EYS: variants seen among roughly 807,000 people sequenced by gnomAD.
The protein encoded by EYS is protein eyes shut homolog.
Under a neutral mutation model 282.1 loss-of-function variants are expected in EYS, and 250 were observed. The ratio of observed to expected loss-of-function variants is 0.89; its 90% CI spans 0.80 to 0.98. The LOEUF (loss-of-function observed/expected upper bound fraction) is 0.98. EYS is among the 50% of genes least tolerant of loss of function. EYS has a pLI of 0.00. For missense variants in EYS, 4,016 were observed against 3,709.0 expected, an observed-to-expected ratio of 1.08 and a Z score of -2.15; for synonymous variants, 1,355 against 1,282.9, an observed-to-expected ratio of 1.06 and a Z score of -1.20.
rs542194621 is a variant in EYS at position 63,873,290 on chromosome 6, A to T, written c.7056-8932T>A. On this transcript the variant is annotated intron_variant, in intron 35 of 42. Transcript: ENST00000503581. ...TTCTTGTGATAGTTTGCTGAGAATG[A>T]TGATTTCCAGCTTCATCCATGTCCC... 7.2e-5 allele frequency among the ~76,000 whole-genome samples: 11 copies of T among 152,192 alleles called. No homozygotes were observed. The East Asian group carries it at 1.9e-3, about 27-fold the overall frequency.
At chr6:63,747,868 A>G (rs900611240) in intron 41 of EYS, among the ~76,000 whole-genome samples, 4 of 151,768 alleles carry the variant, frequency 2.6e-5, no homozygotes, top group Non-Finnish European at 4.4e-5. Context: ...TGTCTCCTGA[A>G]TACAGCACAC....
chr6:63,720,994 G>T lies in EYS; in HGVS notation c.9037C>A (p.Leu3013Ile). ...NEENDFLAIG[L>I]HNQTLKIAVN... ...GCTATTTTCAAGGTCTGATTATGGA[G>T]ACCAATTGCCAGAAAATCATTTTCT... Residue 3013 changes from leucine (L) to isoleucine (I), a missense_variant, in exon 43 of 43, where the codon CTC becomes ATC. Physicochemically the swap from Leu to Ile is conservative, Grantham distance 5. Coordinates refer to ENST00000503581, the MANE Select transcript of EYS (RefSeq NM_001142800.2). 2.6e-6 allele frequency: 4 copies of T among 1,551,270 alleles called. No individual in the cohort carries two copies. The highest frequency in any genetic ancestry group is 2.6e-6 in the Non-Finnish European group (3 of 1,146,768).
intron 8 of EYS, 35 bp downstream of exon 8, chr6:65,384,351 G>A: frequency 8.4e-7 from 1 of 1,183,788 alleles, no homozygotes; most frequent in Non-Finnish European, 1.3e-6. Flanking sequence ...TATTTTGAAG[G>A]GCTAACTTAT....
chr6:65,016,236 T>C (rs1196693093), intron 13 of EYS, among the ~76,000 whole-genome samples: 1 of 151,998 alleles, frequency 6.6e-6, no homozygotes, highest in African/African-American at 2.4e-5. Context: ...TTTCCTCTAA[T>C]TGAAATTTGC....
chr6:64,295,093 G>C (rs1768869399), intron 30 of EYS, among the ~76,000 whole-genome samples: 1 of 151,708 alleles, frequency 6.6e-6, no homozygotes, highest in African/African-American at 2.4e-5. Context: ...AAATGGGTCT[G>C]GCCGGGCACG....
chr6:65,214,724 G>C (rs1766268882), intron 12 of EYS, among the ~76,000 whole-genome samples: 1 of 152,200 alleles, frequency 6.6e-6, no homozygotes. Flanking sequence ...AGACATCATA[G>C]ACTAAATTCA....
intron 12 of EYS, among the ~76,000 whole-genome samples, chr6:65,079,203 T>A (rs988981768): frequency 1.3e-5 from 2 of 152,102 alleles, no homozygotes; most frequent in African/African-American, 4.8e-5. Context: ...TCTGGTTTCT[T>A]ATAAAAAGTG....
intron 8 of EYS, among the ~76,000 whole-genome samples, chr6:65,365,800 G>T (rs185998670): frequency 6.6e-6 from 1 of 151,624 alleles, no homozygotes; most frequent in Non-Finnish European, 1.5e-5. Flanking sequence ...TAGTCCATGG[G>T]CCTCTTGTAA....
intron 22 of EYS, among the ~76,000 whole-genome samples, chr6:64,798,767 A>G (rs1774443581): frequency 6.6e-6 from 1 of 151,884 alleles, no homozygotes. Flanking sequence ...TGATTATTGC[A>G]TAAATGCTCA....
intron 28 of EYS, among the ~76,000 whole-genome samples, chr6:64,402,113 A>T (rs1017778282): frequency 6.6e-6 from 1 of 152,032 alleles, no homozygotes; most frequent in East Asian, 1.9e-4. Flanking sequence ...TTGCCAACTG[A>T]TATATTACTT....
intron 31 of EYS, among the ~76,000 whole-genome samples, chr6:64,150,413 C>A: frequency 6.6e-6 from 1 of 152,124 alleles, no homozygotes; most frequent in South Asian, 2.1e-4. Context: ...CTTATGAAAT[C>A]ACACAACAAA....
intron 12 of EYS, among the ~76,000 whole-genome samples, chr6:65,226,856 A>G (rs1444760867): frequency 6.6e-6 from 1 of 152,224 alleles, no homozygotes; most frequent in African/African-American, 2.4e-5. Context: ...GTCAAAAGGT[A>G]GAAACGCAGT....
intron 19 of EYS, among the ~76,000 whole-genome samples, chr6:64,847,882 A>G (rs1431175240): frequency 2.0e-5 from 3 of 152,060 alleles, no homozygotes; most frequent in East Asian, 1.9e-4. Context: ...ACATCTATCA[A>G]TGCTGATTGG....
At chr6:64,067,235 C>T (rs189934654) in intron 32 of EYS, among the ~76,000 whole-genome samples, 16 of 152,176 alleles carry the variant, frequency 1.1e-4, no homozygotes, top group African/African-American at 3.1e-4. Context: ...TTTTAACTTT[C>T]CTAATTGAAG....
chr6:64,815,173 C>A, intron 21 of EYS: 1 of 432,542 alleles, frequency 2.3e-6, no homozygotes, highest in Non-Finnish European at 4.6e-6. Flanking sequence ...AGTGATAGAA[C>A]TAAGTATGTT....
intron 31 of EYS, among the ~76,000 whole-genome samples, chr6:64,175,341 C>T (rs1039147908): frequency 2.0e-5 from 3 of 152,100 alleles, no homozygotes; most frequent in Non-Finnish European, 2.9e-5. Flanking sequence ...TGCTTCTATC[C>T]CTTTCAGGAA....
At chr6:64,632,283 A>C (rs1350856330) in intron 22 of EYS, among the ~76,000 whole-genome samples, 1 of 138,918 alleles carries the variant, frequency 7.2e-6, no homozygotes, top group African/African-American at 2.6e-5. Flanking sequence ...CCACAACTAC[A>C]TATAACTTAT....
intron 35 of EYS, among the ~76,000 whole-genome samples, chr6:63,883,703 A>T (rs1331742927): frequency 6.6e-6 from 1 of 152,230 alleles, no homozygotes; most frequent in Non-Finnish European, 1.5e-5. Flanking sequence ...AACCTGTGGT[A>T]TAACCTCTGC....
chr6:63,849,432 G>T (rs1186741776), intron 36 of EYS, among the ~76,000 whole-genome samples: 2 of 152,158 alleles, frequency 1.3e-5, no homozygotes, highest in Admixed American at 6.5e-5. Flanking sequence ...ACCTCATACA[G>T]GAGAGCACTG....
Sources: gnomAD v4.1 joint callset for allele counts (sites outside exome capture counted in the v4.1 genomes callset) on GRCh38, gnomAD v4.1.1 for gene constraint, MANE v1.5 for transcripts, NCBI Gene and HGNC (gene_info 2026-07-23, HGNC 2026-07-21) for gene names.